Variants in ALMS1 observed in about 807,000 individuals in gnomAD.
ALMS1 encodes ALMS1 centrosome and basal body associated protein.
Under a neutral mutation model 352.2 loss-of-function variants are expected in ALMS1, and 271 were observed. That is an observed-to-expected ratio of 0.77 (90% CI 0.70 to 0.85). The LOEUF (loss-of-function observed/expected upper bound fraction) is 0.85, where lower values mean the gene tolerates loss of function less well. Ranked by LOEUF, ALMS1 falls within the 40% of genes least tolerant of loss-of-function variation. The pLI, the probability that ALMS1 is intolerant of heterozygous loss-of-function variation, is 0.00. For synonymous variants in ALMS1, 1,865 were observed against 1,761.2 expected, an observed-to-expected ratio of 1.06 and a Z score of -1.48; for missense variants, 5,445 against 4,870.7, an observed-to-expected ratio of 1.12 and a Z score of -3.51.
chr2:73,411,114 ATTAT>A (rs1245416768), intron 2 of ALMS1, among the ~76,000 whole-genome samples: 1 of 151,936 alleles, frequency 6.6e-6, no homozygotes, highest in Non-Finnish European at 1.5e-5. Context: ...TGCAGGTGTA[ATTAT>A]TTAAGCTCAC....
chr2:73,557,589 A>G (rs1413129800), intron 14 of ALMS1, among the ~76,000 whole-genome samples: 2 of 152,238 alleles, frequency 1.3e-5, no homozygotes, highest in Admixed American at 1.3e-4. Context: ...AGGGTTTTGA[A>G]TATAGTAAAC....
intron 12 of ALMS1, among the ~76,000 whole-genome samples, chr2:73,545,594 C>A (rs1170742878): frequency 6.6e-6 from 1 of 152,014 alleles, no homozygotes; most frequent in Admixed American, 6.6e-5. Context: ...GTTGAGTATA[C>A]GAAATTAGCA....
chr2:73,467,969 C>G (rs1672391490), intron 9 of ALMS1, among the ~76,000 whole-genome samples: 1 of 151,994 alleles, frequency 6.6e-6, no homozygotes, highest in Non-Finnish European at 1.5e-5. Context: ...GAGGTCTTCT[C>G]AGGTATAGGA....
intron 9 of ALMS1, among the ~76,000 whole-genome samples, chr2:73,474,692 T>C (rs1344507576): frequency 6.6e-6 from 1 of 152,094 alleles, no homozygotes; most frequent in Non-Finnish European, 1.5e-5. Flanking sequence ...ATAAAACTCA[T>C]GTAGATCTTT....
chr2:73,514,489 C>G (rs1673516402), intron 10 of ALMS1, among the ~76,000 whole-genome samples: 1 of 152,074 alleles, frequency 6.6e-6, no homozygotes, highest in Non-Finnish European at 1.5e-5. Context: ...TATTTCTGTT[C>G]TACATGTTCT....
chr2:73,590,138 A>G (rs1225598356), intron 16 of ALMS1, among the ~76,000 whole-genome samples: 1 of 151,888 alleles, frequency 6.6e-6, no homozygotes, highest in Non-Finnish European at 1.5e-5. Flanking sequence ...CATATAATTT[A>G]CAGTGCTTTC....
Position 73,601,352 on chromosome 2 carries a change from C to G in ALMS1, c.12030C>G (p.His4010Gln). 1.2e-6 allele frequency: 2 copies of G among 1,614,216 alleles called. No individual in the cohort carries two copies. Among genetic ancestry groups the G allele is most frequent in the Non-Finnish European group, 1.7e-6 (2 of 1,180,018 alleles). The change falls in exon 19 of 23, where the codon CAC (histidine) becomes CAG (glutamine). Residue 4010 changes from histidine to glutamine, a missense_variant. His to Gln is a conservative substitution (Grantham distance 24). Transcript: ENST00000613296. ...PLREQNCQGQ[H>Q]LDGRGYLAGP... The stretch of plus-strand genomic sequence containing the variant: ...GGGAGCAGAACTGTCAGGGGCAGCA[C>G]CTGGACGGTCGGGGCTACCTGGCAG...
chr2:73,563,057 A>G (rs1198457717), intron 15 of ALMS1, among the ~76,000 whole-genome samples: 2 of 151,844 alleles, frequency 1.3e-5, no homozygotes, highest in Non-Finnish European at 2.9e-5. Flanking sequence ...ACAGCAAAGC[A>G]TGCAAGTCTA....
In ALMS1 at chr2:73,552,536, C is replaced by T. The variant is rs74781154; in HGVS notation, c.10078+2099C>T. Among the ~76,000 whole-genome samples, 818 of 152,288 alleles carry T rather than the reference C, an allele frequency of 5.4e-3. 8 individuals carry two copies. The highest frequency in any genetic ancestry group is 0.018 in the African/African-American group (730 of 41,544). On this transcript the variant is annotated intron_variant, in intron 13 of 22. Coordinates refer to ENST00000613296, the MANE Select transcript of ALMS1 (RefSeq NM_001378454.1). Reference sequence around the variant, plus strand: ...CTGCACAAAGAACTCACCAGCTTTACCTCACTCCCAGGCTTCATTTGGTAA... The same window carrying T: ...CTGCACAAAGAACTCACCAGCTTTATCTCACTCCCAGGCTTCATTTGGTAA...
Position 73,573,090 on chromosome 2 carries a change from G to A in ALMS1, c.11213G>A (p.Arg3738Gln), listed in dbSNP as rs200378498. The A allele has an allele frequency of 3.5e-5, 57 of 1,613,868 alleles. No homozygotes were observed. In the African/African-American group the frequency reaches 6.4e-4, roughly 18 times the overall value. Residue 3738 changes from arginine to glutamine, a missense_variant, in exon 16 of 23, where the codon CGG becomes CAG. Physicochemically the swap from Arg to Gln is conservative, Grantham distance 43. Transcript: ENST00000613296. Reference protein sequence around the residue: ...NYISNTSSDCRPSEESELLTD... With the variant: ...NYISNTSSDCQPSEESELLTD... Reference sequence around the variant, plus strand: ...ATAAGCAACACTTCTTCGGATTGTCGGCCCTCAGAGGAGAGTGAGCTGCTC... The same window carrying A: ...ATAAGCAACACTTCTTCGGATTGTCAGCCCTCAGAGGAGAGTGAGCTGCTC...
At chr2:73,485,387 A>G (rs921626334) in intron 9 of ALMS1, among the ~76,000 whole-genome samples, 5 of 152,200 alleles carry the variant, frequency 3.3e-5, no homozygotes, top group Non-Finnish European at 7.3e-5. Flanking sequence ...TAGGCTGCTC[A>G]GGGGTCAGGG....
intron 9 of ALMS1, among the ~76,000 whole-genome samples, chr2:73,473,599 T>C (rs1431143384): frequency 6.6e-6 from 1 of 152,008 alleles, no homozygotes; most frequent in African/African-American, 2.4e-5. Context: ...CCACCTTAAA[T>C]GTACTCAATG....
chr2:73,485,050 C>T lies in ALMS1; in HGVS notation c.7675-4584C>T, dbSNP rs550031982. Reference sequence around the variant, plus strand: ...CTCCCGTAGCTCAGAGTAATTTGATCGTCTGAAGCCTTCTTCTCTCAGCTC... The same window carrying T: ...CTCCCGTAGCTCAGAGTAATTTGATTGTCTGAAGCCTTCTTCTCTCAGCTC... On this transcript the variant is annotated intron_variant, in intron 9 of 22. Transcript: ENST00000613296. Among the ~76,000 whole-genome samples the T allele has an allele frequency of 2.8e-4, 43 of 152,258 alleles. 1 individual carries two copies. In the South Asian group the frequency reaches 2.9e-3, roughly 10 times the overall value.
chr2:73,579,086 T>TTTTTG (rs1675116518), intron 16 of ALMS1, among the ~76,000 whole-genome samples: 2 of 149,426 alleles, frequency 1.3e-5, no homozygotes, highest in African/African-American at 2.5e-5. Context: ...TTTTTTTTTT[T>TTTTTG]GAGACGGAGT....
chr2:73,408,868 T>A, intron 2 of ALMS1, 121 bp downstream of exon 2: 3 of 707,046 alleles, frequency 4.2e-6, no homozygotes, highest in Non-Finnish European at 5.8e-6. Flanking sequence ...TCTTGTCTTT[T>A]TTTTTTTTTT....
chr2:73,426,547 A>G lies in ALMS1; in HGVS notation c.1332A>G (p.Gln444=), dbSNP rs755012003. 6.2e-7 allele frequency: 1 copy of G among 1,613,768 alleles called. No homozygotes were observed. The highest frequency in any genetic ancestry group is 1.3e-5 in the African/African-American group (1 of 74,940). The change falls in exon 6 of 23, where the codon CAA becomes CAG. Residue 444 remains glutamine (Q), a synonymous_variant. Coordinates refer to ENST00000613296, the MANE Select transcript of ALMS1 (RefSeq NM_001378454.1). ...GCAGTGAAAGAGTTGCTGAACTACAAAGAAAGGTGAGACACAATAAAATGA... is the reference window on the plus strand; with the variant it reads ...GCAGTGAAAGAGTTGCTGAACTACAGAGAAAGGTGAGACACAATAAAATGA... The part of the protein sequence containing the change: ...VVCSERVAEL[Q]RKPTRESEYH...
rs1334155211 is a variant in ALMS1 at position 73,449,798 on chromosome 2, G to T, written c.3271G>T (p.Ala1091Ser). ...GPADQMTDTP[A>S]VPSTFYSQRE... ...AGCTGACCAGATGACTGACACACCA[G>T]CAGTACCGTCTACTTTCTACTCACA... Residue 1091 changes from alanine to serine, a missense_variant, in exon 8 of 23, where the codon GCA (alanine) becomes TCA (serine). Transcript: ENST00000613296. 2.5e-6 allele frequency: 4 copies of T among 1,613,640 alleles called. No homozygotes were observed. The East Asian group carries it at 6.7e-5, about 27-fold the overall frequency.
At chr2:73,482,465 C>G (rs528904291) in intron 9 of ALMS1, among the ~76,000 whole-genome samples, 3 of 146,340 alleles carry the variant, frequency 2.1e-5, no homozygotes, top group South Asian at 2.1e-4. Context: ...CGGTGTGCTG[C>G]TGGATTCAGT....
chr2:73,561,837 T>G (rs995001295), intron 15 of ALMS1, among the ~76,000 whole-genome samples: 2 of 152,174 alleles, frequency 1.3e-5, no homozygotes, highest in Non-Finnish European at 2.9e-5. Flanking sequence ...AAATATAATC[T>G]GTAAAAGCAT....
Sources: gnomAD v4.1 joint callset for allele counts (sites outside exome capture counted in the v4.1 genomes callset) on GRCh38, gnomAD v4.1.1 for gene constraint, MANE v1.5 for transcripts, NCBI Gene and HGNC (gene_info 2026-07-23, HGNC 2026-07-21) for gene names.